Variants in CEP290 observed in about 807,000 individuals in gnomAD.
CEP290 encodes centrosomal protein 290, also known as centrosomal protein of 290 kDa.
In CEP290, 317 loss-of-function variants were observed where a neutral mutation model predicts 344.9. The ratio of observed to expected loss-of-function variants is 0.92; its 90% CI spans 0.84 to 1.01. The LOEUF (loss-of-function observed/expected upper bound fraction) is 1.01. Among genes scored for constraint, CEP290 ranks in the 50% least tolerant of loss-of-function variants. CEP290 has a pLI of 0.00. For synonymous variants in CEP290, 932 were observed against 895.8 expected (o/e 1.04, Z -0.72); for missense variants, 2,754 against 2,761.4 (o/e 1.00, Z 0.06).
At chr12:88,139,713 T>C (rs2040536941) in intron 3 of CEP290, 149 bp from the exon 4 acceptor site, 1 of 582,066 alleles carries the variant, frequency 1.7e-6, no homozygotes, top group Admixed American at 4.3e-5. Flanking sequence ...GAATAAATAG[T>C]TTTTGGTTTT....
Position 88,129,889 on chromosome 12 carries a change from A to G in CEP290, c.670-13T>C, listed in dbSNP as rs1271155425. The G allele has an allele frequency of 2.2e-6, 3 of 1,375,382 alleles. No homozygotes were observed. The highest frequency in any genetic ancestry group is 2.9e-6 in the Non-Finnish European group (3 of 1,038,300). The allele number at this position is 1,375,382 out of a possible 1,614,324, so 85.2% of individuals were successfully genotyped here. A position where few individuals can be genotyped will look rare whatever the true frequency, so the allele number is the denominator to read the frequency against. ...CTTCTGTTAAAGTCTAAAAAAGTTA[A>G]AGACACTATAATTAAAAAGTAATTT... On this transcript the variant is annotated splice_polypyrimidine_tract_variant and intron_variant, in intron 9 of 53. Coordinates refer to ENST00000552810, the MANE Select transcript of CEP290 (RefSeq NM_025114.4).
In CEP290 at chr12:88,107,091, C is replaced by T. The variant is rs2038341513; in HGVS notation, c.2491G>A (p.Glu831Lys). Residue 831 changes from glutamate to lysine, a missense_variant, in exon 24 of 54, where the codon GAG becomes AAG. Glu to Lys is a moderately conservative substitution (Grantham distance 56). Transcript: ENST00000552810. ...LLYKEYLSEK[E>K]TWKTESKTIK... ...GTTTTAGATTCTGTTTTCCAGGTCTCCTTTTCACTAAAAACAAAACAAAAC... is the reference window on the plus strand; with the variant it reads ...GTTTTAGATTCTGTTTTCCAGGTCTTCTTTTCACTAAAAACAAAACAAAAC... 2 of 1,526,748 alleles carry T rather than the reference C, an allele frequency of 1.3e-6. No homozygotes were observed. Among genetic ancestry groups the T allele is most frequent in the East Asian group, 2.4e-5 (1 of 41,524 alleles). The allele number at this position is 1,526,748 out of a possible 1,614,324, so 94.6% of individuals were successfully genotyped here.
intron 2 of CEP290, 71 bp downstream of exon 2, chr12:88,141,135 A>T (rs1295004007): frequency 7.6e-7 from 1 of 1,307,262 alleles, no homozygotes; most frequent in Admixed American, 3.1e-5. Context: ...TGAAAAAAAT[A>T]AATTCATATT....
At position 88,124,558 on chromosome 12, in the gene CEP290, T is replaced by C. The variant is rs193080812; in HGVS notation, c.1189+688A>G. Among the ~76,000 whole-genome samples, 86 of 152,052 alleles carry C rather than the reference T, an allele frequency of 5.7e-4. 2 individuals carry two copies. The highest frequency in any genetic ancestry group is 5.4e-3 in the Admixed American group (82 of 15,238). ...AAATATATATATATACACACACACA[T>C]ATGACATGTATATATATGTGTATAT... On this transcript the variant is annotated intron_variant, in intron 13 of 53. Coordinates refer to ENST00000552810, the MANE Select transcript of CEP290 (RefSeq NM_025114.4).
Position 88,131,156 on chromosome 12 carries a change from AT to A in CEP290, c.495+8del. On this transcript the variant is annotated splice_region_variant and intron_variant, in intron 7 of 53. Coordinates refer to ENST00000552810, the MANE Select transcript of CEP290 (RefSeq NM_025114.4). ...TTGTTGAACCACCACAACTACTAAA[AT>A]TTTTTACCTCTCTTCTTAATTTGCT... 5 of 1,511,220 alleles carry A rather than the reference AT, an allele frequency of 3.3e-6. No homozygotes were observed. Among genetic ancestry groups the A allele is most frequent in the Admixed American group, 2.4e-5 (1 of 41,926 alleles). 93.6% of individuals were successfully genotyped at this position (1,511,220 alleles called of 1,614,324 possible).
intron 29 of CEP290, 140 bp downstream of exon 29, chr12:88,092,541 A>G: frequency 3.3e-6 from 2 of 610,240 alleles, no homozygotes; most frequent in Admixed American, 3.9e-5. Context: ...AACCGATCTT[A>G]ATATTACTTA....
chr12:88,114,177 G>A (rs1371326384), intron 20 of CEP290, among the ~76,000 whole-genome samples: 1 of 152,056 alleles, frequency 6.6e-6, no homozygotes, highest in African/African-American at 2.4e-5. Flanking sequence ...GCTGACCCTT[G>A]AACCAAAAGA....
In CEP290 at chr12:88,067,207, C is replaced by A. The variant is rs536796249; in HGVS notation, c.6135+1315G>T. On this transcript the variant is annotated intron_variant, in intron 44 of 53. Transcript: ENST00000552810. ...TATCTAATATAACATTAAGTGAACA[C>A]CAATTGTAAAAAAAAAAAAAGCACT... is the stretch of plus-strand genomic sequence containing the variant. Among the ~76,000 whole-genome samples, 4 of 141,328 alleles carry A rather than the reference C, an allele frequency of 2.8e-5. No homozygotes were observed. In the East Asian group the frequency reaches 7.9e-4, roughly 28 times the overall value. The allele number at this position is 141,328 out of a possible 152,430, so 92.7% of individuals were successfully genotyped here.
intron 44 of CEP290, among the ~76,000 whole-genome samples, chr12:88,064,347 A>C (rs2034727982): frequency 2.0e-5 from 3 of 152,136 alleles, no homozygotes; most frequent in Non-Finnish European, 4.4e-5. Context: ...AGTATGACTT[A>C]ATAATGTCCA....
intron 25 of CEP290, among the ~76,000 whole-genome samples, chr12:88,106,316 T>A (rs1486284891): frequency 6.6e-6 from 1 of 152,140 alleles, no homozygotes; most frequent in Non-Finnish European, 1.5e-5. Context: ...GGATTCTATA[T>A]TAAAAAGATT....
intron 46 of CEP290, among the ~76,000 whole-genome samples, chr12:88,061,659 T>C (rs1043224807): frequency 2.6e-5 from 4 of 152,222 alleles, no homozygotes; most frequent in Admixed American, 2.6e-4. Flanking sequence ...TATAAACTTT[T>C]ACATCATTTT....
At chr12:88,078,131 A>G (rs1209857359) in intron 39 of CEP290, among the ~76,000 whole-genome samples, 1 of 151,926 alleles carries the variant, frequency 6.6e-6, no homozygotes, top group African/African-American at 2.4e-5. Flanking sequence ...GAAAAAAAAA[A>G]AAAACTAGTG....
At chr12:88,120,465 G>A (rs2137908311) in intron 14 of CEP290, among the ~76,000 whole-genome samples, 189 bp from the exon 15 acceptor site, 1 of 152,056 alleles carries the variant, frequency 6.6e-6, no homozygotes, top group African/African-American at 2.4e-5. Context: ...ATATGCAACA[G>A]TTAAAACTTT....
intron 11 of CEP290, 91 bp from the exon 12 acceptor site, chr12:88,126,529 T>C: frequency 1.2e-6 from 1 of 839,910 alleles, no homozygotes; most frequent in South Asian, 2.6e-5. Context: ...GTTAGTAGAT[T>C]TATGATACAG....
intron 26 of CEP290, 122 bp downstream of exon 26, chr12:88,102,716 T>G: frequency 1.4e-6 from 1 of 693,032 alleles, no homozygotes. Context: ...GATAATTATA[T>G]CTCTGTTAAA....
At chr12:88,052,923 T>G (rs926068088) in intron 52 of CEP290, among the ~76,000 whole-genome samples, 1 of 152,136 alleles carries the variant, frequency 6.6e-6, no homozygotes, top group Admixed American at 6.5e-5. Context: ...CTATGAAAAC[T>G]GAAATGAGGA....
intron 29 of CEP290, among the ~76,000 whole-genome samples, chr12:88,091,725 C>T (rs2037060309): frequency 6.6e-6 from 1 of 151,720 alleles, no homozygotes; most frequent in East Asian, 1.9e-4. Flanking sequence ...ACTGATATTC[C>T]CAAGAGAACT....
chr12:88,082,045 A>T (rs2036236976), intron 37 of CEP290, among the ~76,000 whole-genome samples: 1 of 152,226 alleles, frequency 6.6e-6, no homozygotes, highest in African/African-American at 2.4e-5. Context: ...TAAGTGAGTA[A>T]AGAATCAAAG....
chr12:88,127,950 A>C (rs1421606415), intron 11 of CEP290, among the ~76,000 whole-genome samples: 34 of 152,204 alleles, frequency 2.2e-4, no homozygotes, highest in Admixed American at 2.2e-3. Context: ...TACAGAATAC[A>C]TATAACATGT....
Sources: allele counts gnomAD v4.1 joint callset (sites outside exome capture counted in the v4.1 genomes callset), GRCh38; gene constraint gnomAD v4.1.1; transcripts MANE v1.5; gene names NCBI Gene and HGNC (gene_info 2026-07-23, HGNC 2026-07-21).